PCDHGA5: variants seen among roughly 807,000 people sequenced by gnomAD.
PCDHGA5 encodes protocadherin gamma-A5.
Under a neutral mutation model 56.7 loss-of-function variants are expected in PCDHGA5, and 36 were observed. The ratio of observed to expected loss-of-function variants is 0.64; its 90% confidence interval spans 0.49 to 0.84. PCDHGA5 has a LOEUF of 0.84. Among genes scored for constraint, PCDHGA5 ranks in the 40% least tolerant of loss-of-function variants. PCDHGA5 has a pLI of 0.00. For missense variants in PCDHGA5, 1,305 were observed against 1,201.5 expected, an observed-to-expected ratio of 1.09 and a Z score of -1.27; for synonymous variants, 563 against 520.2, an observed-to-expected ratio of 1.08 and a Z score of -1.12.
At chr5:141,415,304 C>T (rs1468756434) in intron 1 of PCDHGA5, 2 of 1,614,188 alleles carry the variant, frequency 1.2e-6, no homozygotes, top group Non-Finnish European at 8.5e-7. Context: ...GTCTTCCTGG[C>T]CTTCGTCATC....
Position 141,491,742 on chromosome 5 carries a change from C to CA in PCDHGA5, c.2422-3064dup. The CA allele has an allele frequency of 3.1e-6, 5 of 1,596,114 alleles. No individual in the cohort carries two copies. Among genetic ancestry groups the CA allele is most frequent in the Non-Finnish European group, 4.3e-6 (5 of 1,172,424 alleles). ...CGCCCCGGGCGACCCCTGGGGGCGG[C>CA]ACTGGAGAAGCCGCCCGTCCTCATA... On this transcript the variant is annotated intron_variant, in intron 1 of 3. Coordinates refer to ENST00000518069, the MANE Select transcript of PCDHGA5 (RefSeq NM_018918.3). This position sits in a 1 kb window ranked among gnomAD's most constrained non-coding sequence, Gnocchi z 6.9.
rs776015544 is a variant in PCDHGA5, at chr5:141,485,125, G to C, written c.2422-9682G>C. The C allele has an allele frequency of 7.1e-7, 1 of 1,412,278 alleles. No homozygotes were observed. Among genetic ancestry groups the C allele is most frequent in the Admixed American group, 1.7e-5 (1 of 57,660 alleles). 87.5% of individuals were successfully genotyped at this position (1,412,278 alleles called of 1,614,324 possible). On this transcript the variant is annotated intron_variant, in intron 1 of 3. Transcript: ENST00000518069. The surrounding 1 kb of genome is among the most constrained non-coding windows in gnomAD (Gnocchi z 5.7). The stretch of plus-strand genomic sequence containing the variant: ...CTGCTGTGGCTGTTTGGGGCGGGTC[G>C]GCTTCATCCGCGTCTCAGGAGCAAG...
intron 1 of PCDHGA5, chr5:141,404,243 C>A: frequency 6.2e-7 from 1 of 1,613,810 alleles, no homozygotes; most frequent in Non-Finnish European, 8.5e-7. Flanking sequence ...AGGAACTCCG[C>A]CCCTGTCCAC....
intron 1 of PCDHGA5, chr5:141,389,404 C>G (rs2091742660): frequency 6.2e-7 from 1 of 1,613,498 alleles, no homozygotes; most frequent in African/African-American, 1.3e-5. Flanking sequence ...TCCATAAGCG[C>G]GGAGAGCGGG....
chr5:141,365,374 C>T lies in PCDHGA5; in HGVS notation c.1044C>T (p.Ile348=). 6.2e-7 allele frequency: 1 copy of T among 1,613,926 alleles called. No individual in the cohort carries two copies. Among genetic ancestry groups the T allele is most frequent in the Non-Finnish European group, 8.5e-7 (1 of 1,179,894 alleles). Residue 348 remains isoleucine, a synonymous_variant, in exon 1 of 4, where the codon ATC becomes ATT. Coordinates refer to ENST00000518069, the MANE Select transcript of PCDHGA5 (RefSeq NM_018918.3). Reference sequence around the variant, plus strand: ...TGAATGACAATGCCCCCGAAGTGATCCTCACCTCTCTGACCAGTTCGATCT... The same window carrying T: ...TGAATGACAATGCCCCCGAAGTGATTCTCACCTCTCTGACCAGTTCGATCT... The part of the protein sequence containing the change: ...QDVNDNAPEV[I]LTSLTSSISE...
intron 1 of PCDHGA5, among the ~76,000 whole-genome samples, chr5:141,369,166 G>C (rs1766070013): frequency 6.6e-6 from 1 of 152,148 alleles, no homozygotes; most frequent in African/African-American, 2.4e-5. Context: ...AGGGAAAAGT[G>C]TAAATAACAA....
chr5:141,427,096 T>A, intron 1 of PCDHGA5: 1 of 458,056 alleles, frequency 2.2e-6, no homozygotes, highest in Non-Finnish European at 4.4e-6. Flanking sequence ...GATGAGGGTG[T>A]CAATGCGGAG....
chr5:141,404,945 G>A (rs753544983), intron 1 of PCDHGA5: 6 of 1,613,952 alleles, frequency 3.7e-6, no homozygotes, highest in Non-Finnish European at 5.1e-6. Flanking sequence ...AGTAGCCATA[G>A]CTGACAGCAT....
intron 1 of PCDHGA5, chr5:141,393,176 A>G: frequency 1.9e-6 from 3 of 1,613,294 alleles, no homozygotes; most frequent in East Asian, 2.2e-5. Context: ...GGGTAGAAAT[A>G]GAAATAATTG....
At chr5:141,422,279 C>T (rs1344316011) in intron 1 of PCDHGA5, 1 of 1,557,956 alleles carries the variant, frequency 6.4e-7, no homozygotes, top group Non-Finnish European at 8.6e-7. Context: ...ATAACTATCA[C>T]CTCTTCTATT....
At chr5:141,429,559 A>G (rs2097222911) in intron 1 of PCDHGA5, among the ~76,000 whole-genome samples, 2 of 152,146 alleles carry the variant, frequency 1.3e-5, no homozygotes, top group Admixed American at 6.5e-5. Context: ...TGATTTGATA[A>G]TATTCAGTTA....
chr5:141,502,629 G>A (rs1368174848), intron 2 of PCDHGA5, among the ~76,000 whole-genome samples: 1 of 152,096 alleles, frequency 6.6e-6, no homozygotes, highest in Non-Finnish European at 1.5e-5. Context: ...GTAATCTGTG[G>A]ATGATACTTT....
intron 1 of PCDHGA5, among the ~76,000 whole-genome samples, chr5:141,435,412 T>C (rs2097761991): frequency 6.6e-6 from 1 of 152,222 alleles, no homozygotes; most frequent in Non-Finnish European, 1.5e-5. Flanking sequence ...TGGTAAAGAC[T>C]ATTTTTCACT....
chr5:141,415,590 A>G lies in PCDHGA5; in HGVS notation c.2421+48839A>G, dbSNP rs201666137. On this transcript the variant is annotated intron_variant, in intron 1 of 3. Transcript: ENST00000518069. ...TGTTAGATGATTCGAAGTTTCCTAT[A>G]GAGGATACCCCATTGGTTCCAGTGA... 60 of 1,613,946 alleles carry G rather than the reference A, an allele frequency of 3.7e-5. 1 individual carries two copies. The African/African-American group carries it at 7.2e-4, about 19-fold the overall frequency.
chr5:141,426,704 A>C, intron 1 of PCDHGA5: 1 of 440,322 alleles, frequency 2.3e-6, no homozygotes, highest in South Asian at 1.6e-5. Context: ...TTGTTTTACA[A>C]ATCAATGAAC....
In PCDHGA5 at chr5:141,490,004, CA is replaced by C; in HGVS notation, c.2422-4802del. 1 of 1,614,174 alleles carries C rather than the reference CA, an allele frequency of 6.2e-7. No individual in the cohort carries two copies. Among genetic ancestry groups the C allele is most frequent in the Admixed American group, 1.7e-5 (1 of 60,034 alleles). ...CTACGTGTGGGAATCCCAGAGAATG[CA>C]CCCATTGGTACTCTGCTGCTCCGCC... On this transcript the variant is annotated intron_variant, in intron 1 of 3. Transcript: ENST00000518069. This position sits in a 1 kb window ranked among gnomAD's most constrained non-coding sequence, Gnocchi z 5.4.
chr5:141,405,233 G>A (rs746061797), intron 1 of PCDHGA5: 10 of 1,613,914 alleles, frequency 6.2e-6, no homozygotes, highest in East Asian at 2.2e-5. Flanking sequence ...CTCCCTCACC[G>A]CTGACTCAAG....
At chr5:141,430,559 G>C in intron 1 of PCDHGA5, 1 of 418,772 alleles carries the variant, frequency 2.4e-6, no homozygotes. Flanking sequence ...CACCAATCGG[G>C]GAGAGAAAAG....
At chr5:141,510,321 CA>C (rs1376271166) in intron 3 of PCDHGA5, among the ~76,000 whole-genome samples, 1 of 150,840 alleles carries the variant, frequency 6.6e-6, no homozygotes, top group Non-Finnish European at 1.5e-5. Context: ...CTTGGAAGAG[CA>C]CTCTTCACCC....
Sources: gnomAD v4.1 joint callset for allele counts (sites outside exome capture counted in the v4.1 genomes callset) on GRCh38, gnomAD v4.1.1 for gene constraint, Gnocchi (gnomAD v3.1) non-coding constraint, MANE v1.5 for transcripts, NCBI Gene and HGNC (gene_info 2026-07-23, HGNC 2026-07-21) for gene names.